The following DOK6 variants were observed in gnomAD, a reference collection of about 807,000 sequenced individuals.
The protein encoded by DOK6 is docking protein 6, also known as downstream of tyrosine kinase 6.
Under a neutral mutation model 44.0 loss-of-function variants are expected in DOK6, and 22 were observed. That is an observed-to-expected ratio of 0.50 (90% confidence interval 0.36 to 0.71). DOK6 has a LOEUF of 0.71. Among genes scored for constraint, DOK6 ranks in the 30% least tolerant of loss-of-function variants. DOK6 has a pLI of 0.00. For synonymous variants in DOK6, 166 were observed against 145.5 expected (o/e 1.14, Z -1.01); for missense variants, 340 against 416.4 (o/e 0.82, Z 1.60).
intron 7 of DOK6, among the ~76,000 whole-genome samples, chr18:69,821,751 T>C (rs1490770804): frequency 6.6e-6 from 1 of 151,430 alleles, no homozygotes; most frequent in Non-Finnish European, 1.5e-5. Flanking sequence ...AGCTCTCTGA[T>C]TTTTTTCCAT....
chr18:69,551,168 T>C (rs1982557869), intron 1 of DOK6, among the ~76,000 whole-genome samples: 1 of 152,210 alleles, frequency 6.6e-6, no homozygotes, highest in Non-Finnish European at 1.5e-5. Context: ...GATAAGTGTA[T>C]GGACACCAAA....
chr18:69,658,085 G>T (rs1057196624), intron 3 of DOK6, among the ~76,000 whole-genome samples: 30 of 152,130 alleles, frequency 2.0e-4, no homozygotes, highest in African/African-American at 7.0e-4. Flanking sequence ...CTGAGGAGCT[G>T]GGACTAGAGG....
At chr18:69,545,545 A>C (rs1229217490) in intron 1 of DOK6, among the ~76,000 whole-genome samples, 5 of 150,554 alleles carry the variant, frequency 3.3e-5, no homozygotes, top group African/African-American at 1.2e-4. Context: ...AAAAGAAAAA[A>C]CACTTGACCT....
At chr18:69,412,694 T>G (rs1053292026) in intron 1 of DOK6, among the ~76,000 whole-genome samples, 3 of 152,188 alleles carry the variant, frequency 2.0e-5, no homozygotes, top group African/African-American at 7.2e-5. Flanking sequence ...ATCGGCTACT[T>G]GTCATTTCTT....
intron 1 of DOK6, among the ~76,000 whole-genome samples, chr18:69,548,968 G>A (rs996105011): frequency 3.3e-5 from 5 of 150,814 alleles, no homozygotes; most frequent in Admixed American, 2.0e-4. Context: ...GGTGGCGGGC[G>A]CCTGTAGTTC....
chr18:69,760,312 C>T (rs747723343), intron 7 of DOK6, among the ~76,000 whole-genome samples: 7 of 152,110 alleles, frequency 4.6e-5, no homozygotes, highest in Admixed American at 6.6e-5. Context: ...CGAACACGTA[C>T]GTTTTTCACA....
At chr18:69,578,337 G>A (rs973836670) in intron 2 of DOK6, among the ~76,000 whole-genome samples, 10 of 152,186 alleles carry the variant, frequency 6.6e-5, no homozygotes, top group African/African-American at 1.9e-4. Context: ...AGAGGTGATC[G>A]CGAGTAACAT....
intron 1 of DOK6, among the ~76,000 whole-genome samples, chr18:69,469,035 G>T (rs923063635): frequency 6.6e-6 from 1 of 152,182 alleles, no homozygotes; most frequent in South Asian, 2.1e-4. Context: ...GATAGGTCAG[G>T]GGAGAGGATG....
chr18:69,679,535 G>A (rs1985999677), intron 4 of DOK6, among the ~76,000 whole-genome samples: 1 of 152,132 alleles, frequency 6.6e-6, no homozygotes, highest in African/African-American at 2.4e-5. Flanking sequence ...TTTGTTTTCT[G>A]AGAGCAGTGC....
chr18:69,786,100 G>A (rs1413565775), intron 7 of DOK6, among the ~76,000 whole-genome samples: 2 of 151,848 alleles, frequency 1.3e-5, no homozygotes, highest in Admixed American at 6.6e-5. Context: ...ATGAGGAAGG[G>A]GAAAAAACAC....
chr18:69,823,755 T>C (rs1981646982), intron 7 of DOK6, among the ~76,000 whole-genome samples: 1 of 152,090 alleles, frequency 6.6e-6, no homozygotes, highest in Non-Finnish European at 1.5e-5. Flanking sequence ...CTCTGTACTT[T>C]TAGCTCCCCT....
At chr18:69,823,600 T>G (rs1599345134) in intron 7 of DOK6, among the ~76,000 whole-genome samples, 1 of 150,454 alleles carries the variant, frequency 6.6e-6, no homozygotes, top group Non-Finnish European at 1.5e-5. Context: ...CAAAGAGTCC[T>G]TAGGAGAAGG....
intron 3 of DOK6, among the ~76,000 whole-genome samples, chr18:69,609,486 G>GAATAAATAAAT (rs1984085343): frequency 6.7e-6 from 1 of 148,178 alleles, no homozygotes; most frequent in African/African-American, 2.6e-5. Flanking sequence ...GCTATTACAA[G>GAATAAATAAAT]AAATAAATAA....
intron 3 of DOK6, among the ~76,000 whole-genome samples, chr18:69,674,539 C>T (rs1985877465): frequency 6.6e-6 from 1 of 152,060 alleles, no homozygotes; most frequent in Admixed American, 6.5e-5. Flanking sequence ...CTCATACACT[C>T]ACAAAATATG....
At chr18:69,520,576 A>G (rs1981657189) in intron 1 of DOK6, among the ~76,000 whole-genome samples, 1 of 151,944 alleles carries the variant, frequency 6.6e-6, no homozygotes, top group African/African-American at 2.4e-5. Context: ...TGAAAATTCT[A>G]CACATAAGTA....
At chr18:69,759,363 A>G (rs1045059618) in intron 7 of DOK6, among the ~76,000 whole-genome samples, 6 of 152,078 alleles carry the variant, frequency 3.9e-5, no homozygotes, top group African/African-American at 7.3e-5. Flanking sequence ...ATTTAAACAT[A>G]TGTTTAAATA....
rs1790975 is a variant in DOK6 at position 69,848,054 on chromosome 18, C to T, written c.*6671C>T. The stretch of plus-strand genomic sequence containing the variant: ...ACACACACACACACACACACACACA[C>T]ACACACACATTTTTGGCTTTTGACC... On this transcript the variant is annotated 3_prime_UTR_variant, in exon 8 of 8. Transcript: ENST00000382713. 0.044 allele frequency: 5,700 copies of T among 130,746 alleles called. 301 individuals are homozygous for T. The highest frequency in any genetic ancestry group is 0.12 in the African/African-American group (4,506 of 37,372). 8.1% of individuals were successfully genotyped at this position (130,746 alleles called of 1,614,324 possible). A position where few individuals can be genotyped will look rare whatever the true frequency, so the allele number is the denominator to read the frequency against.
At chr18:69,581,979 C>CA (rs1275238633) in intron 2 of DOK6, among the ~76,000 whole-genome samples, 12 of 152,208 alleles carry the variant, frequency 7.9e-5, no homozygotes, top group East Asian at 1.9e-4. Flanking sequence ...TTAACAGCAT[C>CA]AAACTGCTGA....
At chr18:69,516,887 T>A (rs923304757) in intron 1 of DOK6, among the ~76,000 whole-genome samples, 3 of 151,620 alleles carry the variant, frequency 2.0e-5, no homozygotes, top group African/African-American at 7.3e-5. Flanking sequence ...TCACCATATT[T>A]GCCAGGCTAG....
Sources: gnomAD v4.1 joint callset for allele counts (sites outside exome capture counted in the v4.1 genomes callset) on GRCh38, gnomAD v4.1.1 for gene constraint, MANE v1.5 for transcripts, NCBI Gene and HGNC (gene_info 2026-07-23, HGNC 2026-07-21) for gene names.